C6orf62: variants seen among roughly 807,000 people sequenced by gnomAD.
The protein encoded by C6orf62 is chromosome 6 open reading frame 62.
A neutral mutation model predicts 26.8 loss-of-function variants in C6orf62; 16 were observed. The ratio of observed to expected loss-of-function variants is 0.60; its 90% confidence interval spans 0.40 to 0.91. The LOEUF is 0.91. Ranked by LOEUF, C6orf62 falls within the 40% of genes least tolerant of loss-of-function variation. The pLI is 0.00. For synonymous variants in C6orf62, 112 were observed against 91.5 expected, an observed-to-expected ratio of 1.22 and a Z score of -1.28; for missense variants, 192 against 271.4, an observed-to-expected ratio of 0.71 and a Z score of 2.06.
intron 3 of C6orf62, chr6:24,709,608 G>T: frequency 2.0e-6 from 2 of 984,920 alleles, no homozygotes; most frequent in Non-Finnish European, 2.4e-6. Flanking sequence ...CTCATAGATA[G>T]GCTATGTTTT....
In C6orf62 at chr6:24,713,298, T is replaced by C. The variant is rs140626004; in HGVS notation, c.429+1020A>G. Among the ~76,000 whole-genome samples the C allele has an allele frequency of 2.6e-4, 39 of 152,346 alleles. 1 individual carries two copies. In the East Asian group the frequency reaches 6.7e-3, roughly 26 times the overall value. On this transcript the variant is annotated intron_variant, in intron 3 of 4. Coordinates refer to ENST00000378119, the MANE Select transcript of C6orf62 (RefSeq NM_030939.5). ...GGAATCTGTATACAGTACTTTCTTATGTATGTAACCAATGGATTATTTTTA... is the reference window on the plus strand; with the variant it reads ...GGAATCTGTATACAGTACTTTCTTACGTATGTAACCAATGGATTATTTTTA...
At chr6:24,716,588 A>G (rs1011690149) in intron 1 of C6orf62, among the ~76,000 whole-genome samples, 1 of 152,234 alleles carries the variant, frequency 6.6e-6, no homozygotes, top group Admixed American at 6.5e-5. Flanking sequence ...TATTTTGGAC[A>G]ATACTTCTTA....
rs1355374346 is a variant in C6orf62 at position 24,719,145 on chromosome 6, C to A, written c.-477G>T. 3.7e-6 allele frequency: 3 copies of A among 817,836 alleles called. No homozygotes were observed. In the African/African-American group the frequency reaches 7.2e-5, roughly 20 times the overall value. The allele number at this position is 817,836 out of a possible 1,614,324, so 50.7% of individuals were successfully genotyped here. On this transcript the variant is annotated 5_prime_UTR_variant, in exon 1 of 5. Transcript: ENST00000378119. ...AGGAACAGGGAGGGGGAAGTGTGAT[C>A]CTTGCTTTCCAAAAAAAAAAAAAAA... is the stretch of plus-strand genomic sequence containing the variant.
At chr6:24,720,800 C>G (rs1459237184), upstream of C6orf62, 1 of 152,328 alleles carries the variant, frequency 6.6e-6, no homozygotes, top group Non-Finnish European at 1.5e-5. Context: ...CGGCGAAGGC[C>G]TCGGGCGCCT....
upstream of C6orf62, chr6:24,719,675 G>A (rs1045156287): frequency 1.2e-5 from 18 of 1,469,500 alleles, no homozygotes; most frequent in East Asian, 2.5e-5. Context: ...ATTCCCCAAG[G>A]GAGACTTCCC....
intron 4 of C6orf62, chr6:24,706,869 C>T (rs1203447633): frequency 6.6e-6 from 1 of 152,360 alleles, no homozygotes; most frequent in Non-Finnish European, 1.5e-5. Flanking sequence ...ATCCATATGC[C>T]AGTGTACTCC....
intron 4 of C6orf62, among the ~76,000 whole-genome samples, chr6:24,708,510 A>G (rs936359708): frequency 2.6e-5 from 4 of 151,858 alleles, no homozygotes; most frequent in Non-Finnish European, 5.9e-5. Context: ...GCTAGTTTTT[A>G]TATTTTCTGT....
chr6:24,716,209 AG>A lies in C6orf62; in HGVS notation c.244del (p.Leu82Ter). 2 of 1,613,852 alleles carry A rather than the reference AG, an allele frequency of 1.2e-6. No individual in the cohort carries two copies. Among genetic ancestry groups the A allele is most frequent in the Non-Finnish European group, 1.7e-6 (2 of 1,179,716 alleles). ...TACCACATCCTTCTGTAAAAGCTCT[AG>A]GGAACTTTCCAAGGAATAGCTGGAA... Reference protein sequence around the residue: ...RDSSYSLESSLELLQKDVVQL... With the variant: ...RDSSYSLESSXELLQKDVVQL... On this transcript the variant is annotated frameshift_variant, in exon 2 of 5. Coordinates refer to ENST00000378119, the MANE Select transcript of C6orf62 (RefSeq NM_030939.5). LOFTEE classifies it high-confidence loss of function.
chr6:24,707,794 G>T (rs1779038277), intron 4 of C6orf62, among the ~76,000 whole-genome samples: 1 of 151,766 alleles, frequency 6.6e-6, no homozygotes, highest in African/African-American at 2.4e-5. Context: ...ATGAGGTCAG[G>T]AGATTGAGAC....
chr6:24,708,255 T>TAAAAAA (rs10700028), intron 4 of C6orf62, among the ~76,000 whole-genome samples: 1 of 146,028 alleles, frequency 6.8e-6, no homozygotes. Flanking sequence ...TTTTCCCGTT[T>TAAAAAA]AAAAAAAAAA....
intron 3 of C6orf62, chr6:24,710,571 G>T: frequency 1.0e-6 from 1 of 983,952 alleles, no homozygotes; most frequent in Non-Finnish European, 1.2e-6. Context: ...GCCCAAATTG[G>T]GTTCTTATCA....
At chr6:24,714,614 G>A (rs1038187104) in intron 2 of C6orf62, among the ~76,000 whole-genome samples, 174 bp from the exon 3 acceptor site, 1 of 147,434 alleles carries the variant, frequency 6.8e-6, no homozygotes, top group Non-Finnish European at 1.5e-5. Flanking sequence ...AATAGCTCAT[G>A]ATGTAATTTT....
At chr6:24,709,664 T>A in intron 3 of C6orf62, 1 of 985,444 alleles carries the variant, frequency 1.0e-6, no homozygotes, top group Non-Finnish European at 1.2e-6. Context: ...TCTCAAAAAT[T>A]TGTGAAGTTA....
rs1420740642 is a variant in C6orf62, at chr6:24,706,085, A to G, written c.*52T>C. 1 of 1,595,824 alleles carries G rather than the reference A, an allele frequency of 6.3e-7. No homozygotes were observed. The highest frequency in any genetic ancestry group is 8.6e-7 in the Non-Finnish European group (1 of 1,168,886). ...AGAATAAAGTGGTAAGAAAACAAGA[A>G]AAAAAACTGCTGCTGCATTCTCTGA... On this transcript the variant is annotated 3_prime_UTR_variant, in exon 5 of 5. Transcript: ENST00000378119.
At chr6:24,719,581 A>G (rs879490123), upstream of C6orf62, 4 of 1,354,708 alleles carry the variant, frequency 3.0e-6, no homozygotes, top group Non-Finnish European at 1.9e-6. Context: ...GGGGTATATA[A>G]TACGGTATTA....
chr6:24,719,155 CAAAAAAAAAAAA>C (rs5875002), upstream of C6orf62: 2 of 877,428 alleles, frequency 2.3e-6, no homozygotes, highest in Non-Finnish European at 2.6e-6. Flanking sequence ...CCTTGCTTTC[CAAAAAAAAAAAA>C]AAAAAAAACT....
upstream of C6orf62, chr6:24,720,089 G>C (rs890777915): frequency 3.2e-6 from 4 of 1,269,244 alleles, no homozygotes; most frequent in South Asian, 1.5e-5. Flanking sequence ...TGTTTCCAGA[G>C]TTTGGATTGT....
At chr6:24,720,815 G>C (rs1485762618), upstream of C6orf62, 2 of 152,320 alleles carry the variant, frequency 1.3e-5, no homozygotes, top group East Asian at 1.9e-4. Flanking sequence ...GCGCCTCGCG[G>C]GTCCGGGGCA....
At chr6:24,719,450 G>A, upstream of C6orf62, 3 of 1,086,772 alleles carry the variant, frequency 2.8e-6, no homozygotes, top group South Asian at 2.5e-5. Flanking sequence ...GGCAGCTGTG[G>A]CCCAAAGGAG....
Sources: allele counts gnomAD v4.1 joint callset (sites outside exome capture counted in the v4.1 genomes callset), GRCh38; gene constraint gnomAD v4.1.1; transcripts MANE v1.5; gene names NCBI Gene and HGNC (gene_info 2026-07-23, HGNC 2026-07-21).